The following RNF38 variants were observed in gnomAD, a reference collection of about 807,000 sequenced individuals.
RNF38 encodes E3 ubiquitin-protein ligase RNF38.
RNF38 carries 15 observed loss-of-function variants against 67.2 expected under a neutral mutation model. That is an observed-to-expected ratio of 0.22 (90% CI 0.15 to 0.34). The LOEUF is 0.34. Ranked by LOEUF, RNF38 falls within the 10% of genes least tolerant of loss-of-function variation. RNF38 has a pLI of 1.00. For missense variants in RNF38, 524 were observed against 639.9 expected, an observed-to-expected ratio of 0.82 and a Z score of 1.95; for synonymous variants, 220 against 218.8, an observed-to-expected ratio of 1.01 and a Z score of -0.05.
chr9:36,427,594 A>G (rs1838804869), intron 1 of RNF38, among the ~76,000 whole-genome samples: 1 of 152,038 alleles, frequency 6.6e-6, no homozygotes, highest in Admixed American at 6.6e-5. Flanking sequence ...GGCACTCTCT[A>G]TGTACCAGGA....
intron 1 of RNF38, among the ~76,000 whole-genome samples, chr9:36,462,722 T>A (rs1035368975): frequency 6.6e-6 from 1 of 151,816 alleles, no homozygotes; most frequent in African/African-American, 2.4e-5. Context: ...TCGCCCAGGC[T>A]GGAGATCAGT....
At chr9:36,434,529 G>A (rs954373586) in intron 1 of RNF38, among the ~76,000 whole-genome samples, 4 of 152,102 alleles carry the variant, frequency 2.6e-5, no homozygotes, top group African/African-American at 7.2e-5. Context: ...GGGATTACAC[G>A]CATGCGCCAC....
At chr9:36,401,218 C>T, upstream of RNF38, 1 of 974,692 alleles carries the variant, frequency 1.0e-6, no homozygotes, top group Non-Finnish European at 1.2e-6. Context: ...CGGGGCGGGG[C>T]GGGGCTGCGC....
chr9:36,452,504 T>C (rs548716870), intron 1 of RNF38, among the ~76,000 whole-genome samples: 1 of 152,260 alleles, frequency 6.6e-6, no homozygotes, highest in African/African-American at 2.4e-5. Context: ...TGAATGTTCA[T>C]CCATGTTGTG....
intron 10 of RNF38, 91 bp from the exon 11 acceptor site, chr9:36,342,515 A>T: frequency 1.2e-6 from 1 of 805,512 alleles, no homozygotes. Flanking sequence ...TTATTCTGTT[A>T]TCAAAACGTC....
At chr9:36,466,463 A>G (rs187780742) in intron 1 of RNF38, among the ~76,000 whole-genome samples, 1 of 152,336 alleles carries the variant, frequency 6.6e-6, no homozygotes, top group Admixed American at 6.5e-5. Context: ...AGGCTCATAA[A>G]GCGTAGTTTT....
intron 1 of RNF38, among the ~76,000 whole-genome samples, chr9:36,448,108 G>A (rs1839350979): frequency 6.6e-6 from 1 of 152,178 alleles, no homozygotes; most frequent in African/African-American, 2.4e-5. Flanking sequence ...AAGGCACACA[G>A]AAACTTAATG....
At chr9:36,348,049 C>G (rs565311792) in intron 9 of RNF38, among the ~76,000 whole-genome samples, 1 of 152,144 alleles carries the variant, frequency 6.6e-6, no homozygotes, top group Admixed American at 6.5e-5. Flanking sequence ...GCACTCCAGC[C>G]TGGGCAACAG....
intron 6 of RNF38, among the ~76,000 whole-genome samples, chr9:36,355,109 A>G (rs1320954317): frequency 2.0e-5 from 3 of 152,238 alleles, no homozygotes; most frequent in Non-Finnish European, 4.4e-5. Context: ...AAGCAATTCT[A>G]CCTCTTCTGA....
chr9:36,392,491 C>T (rs1341500481), intron 1 of RNF38, among the ~76,000 whole-genome samples: 1 of 152,132 alleles, frequency 6.6e-6, no homozygotes, highest in Non-Finnish European at 1.5e-5. Context: ...AATCTCAACC[C>T]TTTGGGAGGC....
At chr9:36,419,298 G>C (rs1356617816) in intron 2 of RNF38, among the ~76,000 whole-genome samples, 2 of 152,236 alleles carry the variant, frequency 1.3e-5, no homozygotes, top group African/African-American at 4.8e-5. Flanking sequence ...AAGGCAGTAT[G>C]CATGGGATTA....
At chr9:36,345,654 A>G (rs757221150) in intron 9 of RNF38, among the ~76,000 whole-genome samples, 6 of 152,230 alleles carry the variant, frequency 3.9e-5, no homozygotes, top group Non-Finnish European at 7.3e-5. Context: ...CACCTAAAAT[A>G]TTAACACTAA....
At chr9:36,481,340 T>C (rs951320754) in intron 1 of RNF38, among the ~76,000 whole-genome samples, 2 of 152,152 alleles carry the variant, frequency 1.3e-5, no homozygotes, top group Non-Finnish European at 2.9e-5. Flanking sequence ...AGCGTAACTA[T>C]TGATAAACCC....
intron 1 of RNF38, among the ~76,000 whole-genome samples, chr9:36,466,151 C>T (rs1482559835): frequency 6.6e-6 from 1 of 152,204 alleles, no homozygotes; most frequent in East Asian, 1.9e-4. Context: ...CAGTACTGTT[C>T]ATAAAAGTGC....
intron 2 of RNF38, among the ~76,000 whole-genome samples, chr9:36,376,405 A>C (rs1018189345): frequency 6.6e-6 from 1 of 152,186 alleles, no homozygotes; most frequent in African/African-American, 2.4e-5. Context: ...ATAGGGTATA[A>C]AACAGCATAA....
intron 6 of RNF38, 53 bp from the exon 7 acceptor site, chr9:36,353,384 T>G: frequency 3.2e-6 from 4 of 1,236,456 alleles, no homozygotes; most frequent in Non-Finnish European, 4.3e-6. Context: ...ATACTTCCTG[T>G]GTTTAGATAG....
intron 7 of RNF38, 35 bp downstream of exon 7, chr9:36,353,135 G>A (rs763811635): frequency 6.4e-7 from 1 of 1,574,404 alleles, no homozygotes; most frequent in Non-Finnish European, 8.7e-7. Flanking sequence ...AGTTGCCAAA[G>A]CAAGTAATTA....
At position 36,352,902 on chromosome 9, in the gene RNF38, T is replaced by G. The variant is rs185061235; in HGVS notation, c.1072-54A>C. 32 of 1,262,056 alleles carry G rather than the reference T, an allele frequency of 2.5e-5. No individual in the cohort carries two copies. In the East Asian group the frequency reaches 5.8e-4, roughly 23 times the overall value. The allele number at this position is 1,262,056 out of a possible 1,614,324, so 78.2% of individuals were successfully genotyped here. Reference sequence around the variant, plus strand: ...AATCACTCTACGTTTACAAATAGCCTGTCAAATAAAGTATCTAATTAAAAA... The same window carrying G: ...AATCACTCTACGTTTACAAATAGCCGGTCAAATAAAGTATCTAATTAAAAA... On this transcript the variant is annotated intron_variant, in intron 7 of 11. Coordinates refer to ENST00000259605, the MANE Select transcript of RNF38 (RefSeq NM_022781.5).
At chr9:36,418,480 C>T (rs4590523) in intron 2 of RNF38, among the ~76,000 whole-genome samples, 28,079 of 146,782 alleles carry the variant, frequency 0.19, 3,156 homozygotes, top group Non-Finnish European at 0.26. Context: ...TGGTGAAACC[C>T]CATCTCTACG....
Sources: allele counts gnomAD v4.1 joint callset (sites outside exome capture counted in the v4.1 genomes callset), GRCh38; gene constraint gnomAD v4.1.1; transcripts MANE v1.5; gene names NCBI Gene and HGNC (gene_info 2026-07-23, HGNC 2026-07-21).